FGF10: variants seen among roughly 807,000 people sequenced by gnomAD.
FGF10 encodes fibroblast growth factor 10.
Under a neutral mutation model 19.8 loss-of-function variants are expected in FGF10, and 2 were observed. The observed-to-expected ratio is 0.10, with a 90% CI of 0.04 to 0.32. The LOEUF (loss-of-function observed/expected upper bound fraction) is 0.32, where lower values mean the gene tolerates loss of function less well. Ranked by LOEUF, FGF10 falls within the 10% of genes least tolerant of loss-of-function variation. The probability of loss-of-function intolerance (pLI) is 1.00; values close to 1 mark genes in which losing one functional copy is unlikely to be tolerated. For synonymous variants in FGF10, 112 were observed against 94.0 expected, an observed-to-expected ratio of 1.19 and a Z score of -1.10; for missense variants, 191 against 246.3, an observed-to-expected ratio of 0.78 and a Z score of 1.50.
intron 1 of FGF10, among the ~76,000 whole-genome samples, chr5:44,344,501 A>G (rs144433742): frequency 2.6e-5 from 4 of 150,960 alleles, no homozygotes; most frequent in Non-Finnish European, 4.4e-5. Flanking sequence ...GATGAGTTAT[A>G]GTTGGGGCAA....
intron 1 of FGF10, among the ~76,000 whole-genome samples, chr5:44,335,340 G>A (rs1740822491): frequency 6.6e-6 from 1 of 151,874 alleles, no homozygotes; most frequent in African/African-American, 2.4e-5. Context: ...TTTCCTTTTT[G>A]TATCAAGTTA....
At chr5:44,367,152 T>C (rs983218265) in intron 1 of FGF10, among the ~76,000 whole-genome samples, 1 of 152,058 alleles carries the variant, frequency 6.6e-6, no homozygotes, top group Admixed American at 6.6e-5. Flanking sequence ...TATAAAAGTA[T>C]TTTTTAAATG....
chr5:44,305,828 G>A (rs1268598065), intron 2 of FGF10, among the ~76,000 whole-genome samples: 4 of 152,120 alleles, frequency 2.6e-5, no homozygotes, highest in Non-Finnish European at 5.9e-5. Context: ...GTGAACTCTA[G>A]GGATTGAAAA....
intron 1 of FGF10, among the ~76,000 whole-genome samples, chr5:44,324,410 A>T (rs1230351527): frequency 6.6e-6 from 1 of 152,178 alleles, no homozygotes; most frequent in Non-Finnish European, 1.5e-5. Context: ...TGAGAAAAAC[A>T]TTACCTTAAA....
intron 1 of FGF10, among the ~76,000 whole-genome samples, chr5:44,363,167 T>C (rs1015419132): frequency 6.6e-6 from 1 of 151,804 alleles, no homozygotes; most frequent in African/African-American, 2.4e-5. Context: ...AAGTTTTCAT[T>C]AGCCTCAGAC....
intron 1 of FGF10, among the ~76,000 whole-genome samples, chr5:44,317,734 TA>T (rs1226777816): frequency 6.6e-6 from 1 of 152,144 alleles, no homozygotes; most frequent in East Asian, 1.9e-4. Flanking sequence ...TTTTTTTTTC[TA>T]ATTTTTTCCT....
In FGF10 at chr5:44,304,905, G is replaced by T; in HGVS notation, c.*90C>A. 1 of 1,330,014 alleles carries T rather than the reference G, an allele frequency of 7.5e-7. No individual in the cohort carries two copies. Among genetic ancestry groups the T allele is most frequent in the Non-Finnish European group, 1.1e-6 (1 of 923,028 alleles). 82.4% of individuals were successfully genotyped at this position (1,330,014 alleles called of 1,614,324 possible). A position where few individuals can be genotyped will look rare whatever the true frequency, so the allele number is the denominator to read the frequency against. Reference sequence around the variant, plus strand: ...AAGCAGACATCTGCAACGTGTCTTTGCCTTTCAATCTACTGTCTTCATGAA... The same window carrying T: ...AAGCAGACATCTGCAACGTGTCTTTTCCTTTCAATCTACTGTCTTCATGAA... On this transcript the variant is annotated 3_prime_UTR_variant, in exon 3 of 3. Coordinates refer to ENST00000264664, the MANE Select transcript of FGF10 (RefSeq NM_004465.2).
chr5:44,341,277 G>T (rs756702587), intron 1 of FGF10, among the ~76,000 whole-genome samples: 13 of 151,858 alleles, frequency 8.6e-5, no homozygotes, highest in Non-Finnish European at 1.0e-4. Flanking sequence ...TATACATAAG[G>T]AATGCTGCAT....
At chr5:44,360,469 G>C (rs1741454583) in intron 1 of FGF10, among the ~76,000 whole-genome samples, 1 of 151,476 alleles carries the variant, frequency 6.6e-6, no homozygotes, top group Non-Finnish European at 1.5e-5. Flanking sequence ...GAACAGAACA[G>C]CAACATTTGT....
intron 1 of FGF10, among the ~76,000 whole-genome samples, chr5:44,353,691 A>G (rs549302546): frequency 6.6e-5 from 10 of 151,526 alleles, no homozygotes; most frequent in Non-Finnish European, 8.9e-5. Context: ...GTAAGTAAGG[A>G]AAGTGGTAGA....
rs1561224246 is a variant in FGF10 at position 44,389,264 on chromosome 5, C to T, written c.-582G>A. The T allele has an allele frequency of 6.3e-6, 1 of 159,278 alleles. No individual in the cohort carries two copies. The highest frequency in any genetic ancestry group is 1.4e-5 in the Non-Finnish European group (1 of 72,176). 9.9% of individuals were successfully genotyped at this position (159,278 alleles called of 1,614,324 possible). ...TCGCCGTTGTTTTCTTCCCTCTCTTCCTTTCTGTTTTTAGTGGTGCCTGCC... is the reference window on the plus strand; with the variant it reads ...TCGCCGTTGTTTTCTTCCCTCTCTTTCTTTCTGTTTTTAGTGGTGCCTGCC... On this transcript the variant is annotated 5_prime_UTR_variant, in exon 1 of 3. Coordinates refer to ENST00000264664, the MANE Select transcript of FGF10 (RefSeq NM_004465.2).
chr5:44,338,844 G>A (rs1482610058), intron 1 of FGF10, among the ~76,000 whole-genome samples: 2 of 152,272 alleles, frequency 1.3e-5, no homozygotes, highest in South Asian at 4.1e-4. Flanking sequence ...ATTGAGCGAG[G>A]AATGTAAGAA....
chr5:44,369,657 C>G (rs979747105), intron 1 of FGF10, among the ~76,000 whole-genome samples: 1 of 152,102 alleles, frequency 6.6e-6, no homozygotes, highest in African/African-American at 2.4e-5. Context: ...CACACACGCA[C>G]TCAGACACTT....
chr5:44,323,799 T>C lies in FGF10; in HGVS notation c.326-13269A>G, dbSNP rs188736375. ...TTACTTTTTAAAAATGCTTACATTG[T>C]TTTAAAGTAGTATGTTCTTGAGAAA... On this transcript the variant is annotated intron_variant, in intron 1 of 2. Coordinates refer to ENST00000264664, the MANE Select transcript of FGF10 (RefSeq NM_004465.2). Among the ~76,000 whole-genome samples the C allele has an allele frequency of 6.6e-5, 10 of 152,242 alleles. No individual in the cohort carries two copies. The East Asian group carries it at 1.9e-3, about 29-fold the overall frequency.
intron 1 of FGF10, among the ~76,000 whole-genome samples, chr5:44,316,720 A>G (rs1482917128): frequency 6.6e-6 from 1 of 152,236 alleles, no homozygotes; most frequent in Non-Finnish European, 1.5e-5. Context: ...GTGGAAAATT[A>G]GTAACCTCAT....
At chr5:44,378,352 C>A (rs1741911363) in intron 1 of FGF10, among the ~76,000 whole-genome samples, 1 of 152,156 alleles carries the variant, frequency 6.6e-6, no homozygotes, top group African/African-American at 2.4e-5. Flanking sequence ...GTTTCTTCTA[C>A]CAATTTCTTA....
intron 1 of FGF10, among the ~76,000 whole-genome samples, chr5:44,339,751 C>G (rs910560646): frequency 1.3e-5 from 2 of 152,092 alleles, no homozygotes; most frequent in Non-Finnish European, 2.9e-5. Flanking sequence ...CACCTTCCCA[C>G]TTTTGGTTAA....
Position 44,302,350 on chromosome 5 carries a change from CTCTT to C in FGF10, c.*2641_*2644del, listed in dbSNP as rs1435564963. 1.5e-5 allele frequency among the ~76,000 whole-genome samples: 2 copies of C among 137,720 alleles called. No individual in the cohort carries two copies. Among genetic ancestry groups the C allele is most frequent in the African/African-American group, 5.5e-5 (2 of 36,398 alleles). 90.3% of individuals were successfully genotyped at this position (137,720 alleles called of 152,430 possible). On this transcript the variant is annotated 3_prime_UTR_variant, in exon 3 of 3. Coordinates refer to ENST00000264664, the MANE Select transcript of FGF10 (RefSeq NM_004465.2). ...TCCTTCCTGTCTTTCTGTCTTTTCTCTCTTTCTTTTCTCTTTTCTCTCTTTCCTT... is the reference window on the plus strand; with the variant it reads ...TCCTTCCTGTCTTTCTGTCTTTTCTCTCTTTTCTCTTTTCTCTCTTTCCTT...
At chr5:44,352,162 G>A (rs1741248262) in intron 1 of FGF10, among the ~76,000 whole-genome samples, 1 of 151,592 alleles carries the variant, frequency 6.6e-6, no homozygotes, top group Non-Finnish European at 1.5e-5. Flanking sequence ...GCACAACATT[G>A]GGACTGATAA....
Sources: gnomAD v4.1 joint callset for allele counts (sites outside exome capture counted in the v4.1 genomes callset) on GRCh38, gnomAD v4.1.1 for gene constraint, MANE v1.5 for transcripts, NCBI Gene and HGNC (gene_info 2026-07-23, HGNC 2026-07-21) for gene names.